ATRNL1: variants seen among roughly 807,000 people sequenced by gnomAD.
ATRNL1 encodes the protein attractin-like protein 1.
In ATRNL1, 95 loss-of-function variants were observed where a neutral mutation model predicts 182.7. The ratio of observed to expected loss-of-function variants is 0.52; its 90% CI spans 0.44 to 0.62. The LOEUF is 0.62. ATRNL1 is among the 20% of genes least tolerant of loss of function. The probability of loss-of-function intolerance (pLI) is 0.00; values close to 1 mark genes in which losing one functional copy is unlikely to be tolerated. For synonymous variants in ATRNL1, 576 were observed against 568.3 expected, an observed-to-expected ratio of 1.01 and a Z score of -0.19; for missense variants, 1,471 against 1,679.5, an observed-to-expected ratio of 0.88 and a Z score of 2.17.
intron 28 of ATRNL1, among the ~76,000 whole-genome samples, chr10:115,928,574 G>A (rs1426621981): frequency 2.6e-5 from 4 of 151,934 alleles, no homozygotes; most frequent in East Asian, 3.9e-4. Context: ...TGCATTCCCT[G>A]AAGAGAAGAA....
At chr10:115,895,093 G>T (rs1400187801) in intron 28 of ATRNL1, among the ~76,000 whole-genome samples, 5 of 152,122 alleles carry the variant, frequency 3.3e-5, no homozygotes, top group Non-Finnish European at 5.9e-5. Flanking sequence ...CAAAAGCTTC[G>T]TATTTTAAGT....
chr10:115,137,182 A>C (rs1172089958), intron 5 of ATRNL1, among the ~76,000 whole-genome samples: 1 of 152,214 alleles, frequency 6.6e-6, no homozygotes, highest in African/African-American at 2.4e-5. Context: ...ACAAGAATGA[A>C]AATCCATCTC....
intron 19 of ATRNL1, among the ~76,000 whole-genome samples, chr10:115,367,406 A>G (rs1266936018): frequency 7.2e-6 from 1 of 138,388 alleles, no homozygotes; most frequent in African/African-American, 2.6e-5. Flanking sequence ...TGGTTATTCT[A>G]GTTATACATT....
intron 26 of ATRNL1, among the ~76,000 whole-genome samples, chr10:115,618,893 G>T (rs1418885229): frequency 1.3e-5 from 2 of 151,960 alleles, no homozygotes; most frequent in Non-Finnish European, 2.9e-5. Flanking sequence ...TGCTCTTTAG[G>T]GTTTTTTGTG....
intron 1 of ATRNL1, among the ~76,000 whole-genome samples, chr10:115,106,766 G>C (rs1564739043): frequency 6.6e-6 from 1 of 152,120 alleles, no homozygotes; most frequent in Non-Finnish European, 1.5e-5. Context: ...GGCCTCCCCA[G>C]CCATGTGGAA....
At chr10:115,385,500 C>G (rs925448074) in intron 19 of ATRNL1, among the ~76,000 whole-genome samples, 2 of 152,138 alleles carry the variant, frequency 1.3e-5, no homozygotes, top group Non-Finnish European at 2.9e-5. Context: ...ATATTTCCCT[C>G]AGCCTATGAC....
intron 8 of ATRNL1, among the ~76,000 whole-genome samples, chr10:115,210,081 G>A (rs782271173): frequency 6.6e-6 from 1 of 151,872 alleles, no homozygotes; most frequent in Non-Finnish European, 1.5e-5. Flanking sequence ...GTGAAATACT[G>A]TATTTCATAA....
At chr10:115,714,995 A>G (rs1162949246) in intron 26 of ATRNL1, among the ~76,000 whole-genome samples, 2 of 152,186 alleles carry the variant, frequency 1.3e-5, no homozygotes, top group Non-Finnish European at 2.9e-5. Flanking sequence ...GGTGAAGCAG[A>G]CAAAACACAG....
chr10:115,357,645 C>G (rs1200853879), intron 19 of ATRNL1, among the ~76,000 whole-genome samples: 1 of 151,596 alleles, frequency 6.6e-6, no homozygotes, highest in African/African-American at 2.4e-5. Context: ...GTTACACATA[C>G]TTTTATCTAT....
At position 115,874,361 on chromosome 10, in the gene ATRNL1, C is replaced by T. The variant is rs113520318; in HGVS notation, c.4018+26370C>T. Among the ~76,000 whole-genome samples the T allele has an allele frequency of 3.2e-3, 480 of 152,326 alleles. 1 individual carries two copies. Among genetic ancestry groups the T allele is most frequent in the African/African-American group, 0.011 (437 of 41,574 alleles). ...ATACTAATTGAAGGAGATAGCATCACCTACTGGTAATCAGGTCCCTGCCTT... is the reference window on the plus strand; with the variant it reads ...ATACTAATTGAAGGAGATAGCATCATCTACTGGTAATCAGGTCCCTGCCTT... On this transcript the variant is annotated intron_variant, in intron 28 of 28. Coordinates refer to ENST00000355044, the MANE Select transcript of ATRNL1 (RefSeq NM_207303.4).
At chr10:115,298,868 T>A (rs1853332502) in intron 15 of ATRNL1, among the ~76,000 whole-genome samples, 1 of 152,074 alleles carries the variant, frequency 6.6e-6, no homozygotes, top group Non-Finnish European at 1.5e-5. Context: ...TATAAGATAT[T>A]TAAATTTTAT....
At chr10:115,278,396 G>C (rs932625706) in intron 13 of ATRNL1, among the ~76,000 whole-genome samples, 1 of 152,200 alleles carries the variant, frequency 6.6e-6, no homozygotes. Context: ...TGAACCAAGA[G>C]CTTCGGACAC....
At chr10:115,464,733 GA>G (rs1847970273) in intron 22 of ATRNL1, among the ~76,000 whole-genome samples, 1 of 151,820 alleles carries the variant, frequency 6.6e-6, no homozygotes, top group Non-Finnish European at 1.5e-5. Flanking sequence ...ATGTAATTAA[GA>G]GACAATTTCA....
intron 24 of ATRNL1, among the ~76,000 whole-genome samples, chr10:115,499,292 T>C (rs1592745505): frequency 6.6e-6 from 1 of 152,236 alleles, no homozygotes; most frequent in African/African-American, 2.4e-5. Context: ...AATGTAGATA[T>C]AAAATTCTAC....
At position 115,393,663 on chromosome 10, in the gene ATRNL1, A is replaced by G. The variant is rs183405537; in HGVS notation, c.3176-996A>G. On this transcript the variant is annotated intron_variant, in intron 19 of 28. Coordinates refer to ENST00000355044, the MANE Select transcript of ATRNL1 (RefSeq NM_207303.4). The stretch of plus-strand genomic sequence containing the variant: ...TTGTAACCTGGAAATACTGAAGGCA[A>G]AGATATCTGCTATGTGATTATATTG... Among the ~76,000 whole-genome samples, 100 of 152,248 alleles carry G rather than the reference A, an allele frequency of 6.6e-4. 2 individuals carry two copies. The highest frequency in any genetic ancestry group is 3.6e-3 in the Admixed American group (55 of 15,268).
At chr10:115,764,529 A>G (rs527463966) in intron 27 of ATRNL1, among the ~76,000 whole-genome samples, 2 of 151,978 alleles carry the variant, frequency 1.3e-5, no homozygotes, top group Non-Finnish European at 2.9e-5. Context: ...CTGTCTCCAT[A>G]ATTTTGCCTT....
At chr10:115,231,190 CTG>C (rs1324386439) in intron 9 of ATRNL1, among the ~76,000 whole-genome samples, 20 of 151,998 alleles carry the variant, frequency 1.3e-4, no homozygotes, top group African/African-American at 4.8e-4. Context: ...GAAAAGGAGA[CTG>C]AGAATGAGCA....
chr10:115,795,135 A>AAG (rs1949620567), intron 27 of ATRNL1, among the ~76,000 whole-genome samples: 2 of 152,188 alleles, frequency 1.3e-5, no homozygotes, highest in Admixed American at 6.5e-5. Context: ...TGGTATTTAG[A>AAG]AGCCACAATC....
At chr10:115,865,561 G>A (rs1951421613) in intron 28 of ATRNL1, among the ~76,000 whole-genome samples, 1 of 152,056 alleles carries the variant, frequency 6.6e-6, no homozygotes, top group African/African-American at 2.4e-5. Flanking sequence ...TTATTAAGTA[G>A]TCTCACTGTA....
Sources: gnomAD v4.1 joint callset for allele counts (sites outside exome capture counted in the v4.1 genomes callset) on GRCh38, gnomAD v4.1.1 for gene constraint, MANE v1.5 for transcripts, NCBI Gene and HGNC (gene_info 2026-07-23, HGNC 2026-07-21) for gene names.